Variants in ZWILCH observed in about 807,000 individuals in gnomAD.
The protein encoded by ZWILCH is zwilch kinetochore protein, also known as protein zwilch homolog.
A neutral mutation model predicts 79.9 loss-of-function variants in ZWILCH; 74 were observed. The observed-to-expected ratio is 0.93, with a 90% CI of 0.77 to 1.12. The LOEUF is 1.12. ZWILCH is among the 50% of genes most tolerant of loss of function. ZWILCH has a pLI of 0.00. For synonymous variants in ZWILCH, 241 were observed against 228.2 expected (o/e 1.06, Z -0.51); for missense variants, 694 against 687.5 (o/e 1.01, Z -0.11).
chr15:66,532,559 G>C (rs1894889388), intron 13 of ZWILCH, among the ~76,000 whole-genome samples, 156 bp downstream of exon 13: 1 of 150,884 alleles, frequency 6.6e-6, no homozygotes, highest in South Asian at 2.1e-4. Context: ...CCCTTCTCTG[G>C]GCCTTAGTTT....
chr15:66,516,568 C>T (rs1037798647), intron 4 of ZWILCH, among the ~76,000 whole-genome samples: 18 of 150,798 alleles, frequency 1.2e-4, no homozygotes, highest in South Asian at 1.0e-3. Context: ...TGCAATGGTG[C>T]GATCTCAGTT....
chr15:66,519,550 G>C (rs532214849), intron 5 of ZWILCH, among the ~76,000 whole-genome samples: 1 of 152,310 alleles, frequency 6.6e-6, no homozygotes, highest in African/African-American at 2.4e-5. Flanking sequence ...CGCCTCCTGG[G>C]TTCAAGCAGT....
Position 66,536,194 on chromosome 15 carries a change from A to G in ZWILCH, c.1478+125A>G, listed in dbSNP as rs572474367. The G allele has an allele frequency of 3.9e-5, 32 of 814,320 alleles. No individual in the cohort carries two copies. The African/African-American group carries it at 5.7e-4, about 15-fold the overall frequency. The allele number at this position is 814,320 out of a possible 1,614,324, so 50.4% of individuals were successfully genotyped here. ...CTCTTCATCCTGTCTTTACAGTAGC[A>G]TGCATGAGTCTAAGTCAGTGCCATA... On this transcript the variant is annotated intron_variant, in intron 15 of 18. Coordinates refer to ENST00000307897, the MANE Select transcript of ZWILCH (RefSeq NM_017975.5).
intron 2 of ZWILCH, among the ~76,000 whole-genome samples, chr15:66,511,423 G>A (rs1175497269): frequency 1.3e-5 from 2 of 150,434 alleles, no homozygotes; most frequent in African/African-American, 4.9e-5. Flanking sequence ...AGTCTGGGAG[G>A]TTAAGGCTAC....
At chr15:66,511,600 A>T (rs973415415) in intron 2 of ZWILCH, among the ~76,000 whole-genome samples, 1 of 152,090 alleles carries the variant, frequency 6.6e-6, no homozygotes, top group Non-Finnish European at 1.5e-5. Context: ...GTAAAAATAA[A>T]CAATGAAAAT....
chr15:66,544,722 TTTTGTGTG>T (rs907434019), intron 17 of ZWILCH, among the ~76,000 whole-genome samples: 6 of 29,734 alleles, frequency 2.0e-4, no homozygotes, highest in African/African-American at 7.6e-4. Context: ...TTTTTTTGGT[TTTTGTGTG>T]TGTGTGTGTG....
At chr15:66,521,288 T>G (rs1595910681) in intron 7 of ZWILCH, 83 bp downstream of exon 7, 1 of 1,504,962 alleles carries the variant, frequency 6.6e-7, no homozygotes, top group East Asian at 2.3e-5. Context: ...GCTCCATGCC[T>G]CTAGCCTTGG....
intron 1 of ZWILCH, among the ~76,000 whole-genome samples, chr15:66,506,581 G>A (rs1378685312): frequency 6.6e-6 from 1 of 152,082 alleles, no homozygotes; most frequent in Admixed American, 6.6e-5. Context: ...GCTTGAACTC[G>A]GGAGGCAGAG....
chr15:66,511,494 C>CAA (rs368695686), intron 2 of ZWILCH, among the ~76,000 whole-genome samples: 40 of 86,284 alleles, frequency 4.6e-4, no homozygotes, highest in South Asian at 1.4e-3. Flanking sequence ...GCCTGTCTTC[C>CAA]AAAAAAAAAA....
chr15:66,547,653 G>A (rs962518887), intron 18 of ZWILCH: 2 of 152,224 alleles, frequency 1.3e-5, no homozygotes, highest in South Asian at 2.1e-4. Flanking sequence ...GTTGAATTTA[G>A]TCAGAGTTGT....
chr15:66,542,533 C>T (rs1895225261), intron 17 of ZWILCH, among the ~76,000 whole-genome samples: 1 of 152,072 alleles, frequency 6.6e-6, no homozygotes, highest in Non-Finnish European at 1.5e-5. Flanking sequence ...TGCTGTGAGC[C>T]AAGATCGCGC....
chr15:66,515,554 T>C lies in ZWILCH; in HGVS notation c.230T>C (p.Ile77Thr). 1 of 1,610,910 alleles carries C rather than the reference T, an allele frequency of 6.2e-7. No homozygotes were observed. Among genetic ancestry groups the C allele is most frequent in the African/African-American group, 1.3e-5 (1 of 74,846 alleles). Residue 77 changes from isoleucine to threonine, a missense_variant, in exon 4 of 19, where the codon ATT becomes ACT. Ile to Thr is a moderately conservative substitution (Grantham distance 89, BLOSUM62 -1). Transcript: ENST00000307897. ...VPLEKEETSH[I>T]EELQSEETAI... is the part of the protein sequence containing the mutation. Reference sequence around the variant, plus strand: ...TTAGAAAAGGAAGAAACAAGTCATATTGAAGAACTTCAATCTGAAGAAACT... The same window carrying C: ...TTAGAAAAGGAAGAAACAAGTCATACTGAAGAACTTCAATCTGAAGAAACT...
chr15:66,515,229 A>G (rs1225095858), intron 3 of ZWILCH, among the ~76,000 whole-genome samples: 2 of 152,070 alleles, frequency 1.3e-5, no homozygotes, highest in Admixed American at 6.6e-5. Flanking sequence ...GATTACAGGC[A>G]TGCGACACCA....
rs145952622 is a variant in ZWILCH at position 66,544,724 on chromosome 15, T to TTTTTTTTTTTTTTGTGTGTGTGTG, written c.1688-1866_1688-1865insTTTTTTTTTTTTGTGTGTGTGTGT. On this transcript the variant is annotated intron_variant, in intron 17 of 18. Coordinates refer to ENST00000307897, the MANE Select transcript of ZWILCH (RefSeq NM_017975.5). ...TGTTTTTTTGTTGTTTTTTTGGTTT[T>TTTTTTTTTTTTTTGTGTGTGTGTG]TGTGTGTGTGTGTGTGTGTGTGTGT... is the stretch of plus-strand genomic sequence containing the variant. Among the ~76,000 whole-genome samples, 9 of 128,544 alleles carry TTTTTTTTTTTTTTGTGTGTGTGTG rather than the reference T, an allele frequency of 7.0e-5. No individual in the cohort carries two copies. The East Asian group carries it at 2.2e-3, about 32-fold the overall frequency. The allele number at this position is 128,544 out of a possible 152,430, so 84.3% of individuals were successfully genotyped here.
At chr15:66,537,356 G>A (rs1381204181) in intron 16 of ZWILCH, 93 bp downstream of exon 16, 5 of 869,062 alleles carry the variant, frequency 5.8e-6, no homozygotes, top group African/African-American at 5.1e-5. Context: ...TCAGGAGTTC[G>A]AGACCAGCCT....
Position 66,527,675 on chromosome 15 carries a change from C to A in ZWILCH, c.914-182C>A, listed in dbSNP as rs187989404. ...GTGTCAGGGGCTTTTCTGTTACCTCCGTTCATCCTCACACCCCCACCTGAT... is the reference window on the plus strand; with the variant it reads ...GTGTCAGGGGCTTTTCTGTTACCTCAGTTCATCCTCACACCCCCACCTGAT... On this transcript the variant is annotated intron_variant, in intron 9 of 18. Coordinates refer to ENST00000307897, the MANE Select transcript of ZWILCH (RefSeq NM_017975.5). Among the ~76,000 whole-genome samples the A allele has an allele frequency of 2.4e-4, 37 of 152,270 alleles. No individual in the cohort carries two copies. The East Asian group carries it at 6.0e-3, about 25-fold the overall frequency.
At chr15:66,522,010 G>T (rs572239193) in intron 7 of ZWILCH, among the ~76,000 whole-genome samples, 4 of 151,922 alleles carry the variant, frequency 2.6e-5, no homozygotes, top group African/African-American at 9.7e-5. Flanking sequence ...CCAGCCTGAC[G>T]AATATGGTGA....
chr15:66,544,229 C>T, intron 17 of ZWILCH, among the ~76,000 whole-genome samples: 1 of 151,206 alleles, frequency 6.6e-6, no homozygotes, highest in East Asian at 1.9e-4. Context: ...TGCACTCCAG[C>T]CTGGGCAACA....
At chr15:66,536,920 T>C (rs1217764468) in intron 15 of ZWILCH, among the ~76,000 whole-genome samples, 1 of 152,182 alleles carries the variant, frequency 6.6e-6, no homozygotes, top group East Asian at 1.9e-4. Context: ...ATTTTATATT[T>C]ATGAGAAATA....
Sources: allele counts gnomAD v4.1 joint callset (sites outside exome capture counted in the v4.1 genomes callset), GRCh38; gene constraint gnomAD v4.1.1; transcripts MANE v1.5; gene names NCBI Gene and HGNC (gene_info 2026-07-23, HGNC 2026-07-21).